Variants in RBMS3 observed in about 807,000 individuals in gnomAD.
RBMS3 encodes RNA-binding motif, single-stranded-interacting protein 3.
RBMS3 carries 27 observed loss-of-function variants against 66.8 expected under a neutral mutation model. The observed-to-expected ratio is 0.40, with a 90% CI of 0.30 to 0.56. The LOEUF is 0.56. RBMS3 is among the 20% of genes least tolerant of loss of function. RBMS3 has a pLI of 0.40. For missense variants in RBMS3, 513 were observed against 549.5 expected (o/e 0.93, Z 0.66); for synonymous variants, 188 against 183.0 (o/e 1.03, Z -0.22).
At chr3:29,962,808 TCA>T (rs1357252322) in intron 12 of RBMS3, among the ~76,000 whole-genome samples, 1 of 152,112 alleles carries the variant, frequency 6.6e-6, no homozygotes, top group African/African-American at 2.4e-5. Flanking sequence ...GGCCCAAATG[TCA>T]CAGTCAAATT....
intron 3 of RBMS3, among the ~76,000 whole-genome samples, chr3:29,563,292 A>G (rs1295444487): frequency 1.3e-5 from 2 of 152,246 alleles, no homozygotes; most frequent in Non-Finnish European, 2.9e-5. Flanking sequence ...AAGAAGAAAG[A>G]CACATATTAA....
intron 6 of RBMS3, among the ~76,000 whole-genome samples, chr3:29,791,040 C>G (rs2056992338): frequency 6.6e-6 from 1 of 152,176 alleles, no homozygotes; most frequent in South Asian, 2.1e-4. Flanking sequence ...CATCTCAGCT[C>G]TGATAGAAGG....
intron 4 of RBMS3, among the ~76,000 whole-genome samples, chr3:29,639,566 C>T (rs2049610132): frequency 6.8e-6 from 1 of 147,130 alleles, no homozygotes. Context: ...CCAGAATATA[C>T]ACTATAGATG....
At chr3:29,856,409 A>G (rs766206501) in intron 6 of RBMS3, among the ~76,000 whole-genome samples, 7 of 152,100 alleles carry the variant, frequency 4.6e-5, no homozygotes, top group Non-Finnish European at 8.8e-5. Context: ...GAAAGGTCTC[A>G]GCCCTTTTTG....
At chr3:29,658,891 C>T (rs1023127927) in intron 4 of RBMS3, among the ~76,000 whole-genome samples, 3 of 152,202 alleles carry the variant, frequency 2.0e-5, no homozygotes, top group East Asian at 1.9e-4. Flanking sequence ...GGCACGATCT[C>T]GGCTCACTGC....
intron 4 of RBMS3, among the ~76,000 whole-genome samples, chr3:29,710,547 C>G (rs1209406982): frequency 6.6e-6 from 1 of 152,136 alleles, no homozygotes; most frequent in African/African-American, 2.4e-5. Flanking sequence ...CTGACTGGCA[C>G]TATACTCTTT....
chr3:29,466,224 C>T (rs1267170602), intron 2 of RBMS3, among the ~76,000 whole-genome samples: 1 of 151,878 alleles, frequency 6.6e-6, no homozygotes, highest in East Asian at 1.9e-4. Context: ...ATGTAACAAG[C>T]AGGAGACACA....
intron 8 of RBMS3, among the ~76,000 whole-genome samples, chr3:29,891,317 G>A (rs983112170): frequency 4.0e-5 from 6 of 151,620 alleles, no homozygotes; most frequent in African/African-American, 1.5e-4. Context: ...TCATCTGCCT[G>A]AATCTATCCA....
chr3:29,972,137 TCTGGACTC>T (rs1462027304), intron 12 of RBMS3, among the ~76,000 whole-genome samples: 1 of 152,088 alleles, frequency 6.6e-6, no homozygotes, highest in Non-Finnish European at 1.5e-5. Context: ...AGGAGTGGAA[TCTGGACTC>T]TGGCACCAGA....
chr3:29,510,998 A>G (rs1039790167), intron 3 of RBMS3, among the ~76,000 whole-genome samples: 3 of 152,222 alleles, frequency 2.0e-5, no homozygotes, highest in Admixed American at 2.0e-4. Context: ...AGAACTGATT[A>G]AAATAAAAAG....
chr3:29,937,195 C>G (rs1182214787), intron 11 of RBMS3, among the ~76,000 whole-genome samples: 3 of 151,918 alleles, frequency 2.0e-5, no homozygotes, highest in Non-Finnish European at 4.4e-5. Context: ...AATAATATCT[C>G]TAGTCTGAAT....
At position 29,561,157 on chromosome 3, in the gene RBMS3, G is replaced by A. The variant is rs191757566; in HGVS notation, c.308-25957G>A. 9.9e-5 allele frequency among the ~76,000 whole-genome samples: 15 copies of A among 152,234 alleles called. No homozygotes were observed. The East Asian group carries it at 2.9e-3, about 29-fold the overall frequency. ...TCTATCATTGATGGGCATTTAGGTT[G>A]ATTCCATGTCTTTGCTATCGTGAAT... On this transcript the variant is annotated intron_variant, in intron 3 of 14. Transcript: ENST00000383767.
intron 2 of RBMS3, among the ~76,000 whole-genome samples, chr3:29,470,516 CACAT>C (rs1443956134): frequency 6.6e-6 from 1 of 151,950 alleles, no homozygotes; most frequent in Non-Finnish European, 1.5e-5. Flanking sequence ...TCTATAAGCA[CACAT>C]ACATACAAAC....
intron 4 of RBMS3, among the ~76,000 whole-genome samples, chr3:29,736,320 CTTG>C (rs1030247011): frequency 6.6e-6 from 1 of 152,156 alleles, no homozygotes; most frequent in Non-Finnish European, 1.5e-5. Flanking sequence ...AAGAGTTGGC[CTTG>C]TTGTTTGAAT....
At chr3:29,335,696 C>A (rs989405193) in intron 1 of RBMS3, among the ~76,000 whole-genome samples, 2 of 152,168 alleles carry the variant, frequency 1.3e-5, no homozygotes, top group Non-Finnish European at 2.9e-5. Flanking sequence ...GAAGTGTGAG[C>A]ATTCCAAAGG....
At chr3:29,739,212 G>T (rs2054514039) in intron 4 of RBMS3, among the ~76,000 whole-genome samples, 1 of 152,158 alleles carries the variant, frequency 6.6e-6, no homozygotes, top group Non-Finnish European at 1.5e-5. Flanking sequence ...CCAGCACTTT[G>T]GGAGGCCGAG....
At chr3:29,852,310 A>G (rs971048125) in intron 6 of RBMS3, among the ~76,000 whole-genome samples, 27 of 152,340 alleles carry the variant, frequency 1.8e-4, no homozygotes, top group African/African-American at 6.3e-4. Flanking sequence ...AAGTTGACAA[A>G]TGGGATCTAA....
intron 5 of RBMS3, among the ~76,000 whole-genome samples, chr3:29,745,177 C>G (rs918009507): frequency 6.6e-6 from 1 of 152,122 alleles, no homozygotes; most frequent in Non-Finnish European, 1.5e-5. Context: ...AAATTACAGG[C>G]TTTTCAAAGT....
At chr3:29,926,325 T>C (rs900256774) in intron 10 of RBMS3, among the ~76,000 whole-genome samples, 4 of 152,152 alleles carry the variant, frequency 2.6e-5, no homozygotes, top group African/African-American at 9.7e-5. Context: ...TTCCTAAAAA[T>C]ATCTTAAAGG....
Sources: allele counts gnomAD v4.1 joint callset (sites outside exome capture counted in the v4.1 genomes callset), GRCh38; gene constraint gnomAD v4.1.1; transcripts MANE v1.5; gene names NCBI Gene and HGNC (gene_info 2026-07-23, HGNC 2026-07-21).